RBM47: variants seen among roughly 807,000 people sequenced by gnomAD.
RBM47 encodes RNA binding motif protein 47, also known as RNA-binding protein 47.
Under a neutral mutation model 47.1 loss-of-function variants are expected in RBM47, and 21 were observed. The observed-to-expected ratio is 0.45, with a 90% confidence interval of 0.32 to 0.64. RBM47 has a LOEUF of 0.64. Ranked by LOEUF, RBM47 falls within the 30% of genes least tolerant of loss-of-function variation. The pLI, the probability that RBM47 is intolerant of heterozygous loss-of-function variation, is 0.05. For missense variants in RBM47, 708 were observed against 870.9 expected (o/e 0.81, Z 2.35); for synonymous variants, 375 against 361.7 (o/e 1.04, Z -0.42).
chr4:40,612,357 C>A (rs747927200), intron 1 of RBM47, among the ~76,000 whole-genome samples: 1 of 152,146 alleles, frequency 6.6e-6, no homozygotes, highest in African/African-American at 2.4e-5. Flanking sequence ...AAAACACACA[C>A]AAAAAATAGC....
chr4:40,506,554 G>A (rs887429522), intron 2 of RBM47, among the ~76,000 whole-genome samples: 2 of 152,184 alleles, frequency 1.3e-5, no homozygotes, highest in Non-Finnish European at 2.9e-5. Context: ...AGAGGGCTCC[G>A]CTGTTGACTG....
At chr4:40,537,580 G>A (rs922466883) in intron 2 of RBM47, among the ~76,000 whole-genome samples, 5 of 151,774 alleles carry the variant, frequency 3.3e-5, no homozygotes, top group South Asian at 2.1e-4. Context: ...GTAGAGACAC[G>A]ATCTCACTGT....
At chr4:40,439,507 CAGG>C (rs1173218492) in intron 3 of RBM47, among the ~76,000 whole-genome samples, 1 of 152,102 alleles carries the variant, frequency 6.6e-6, no homozygotes, top group Non-Finnish European at 1.5e-5. Context: ...GGGCTTGGTC[CAGG>C]AACTGTAATA....
At chr4:40,569,744 T>C (rs1731525180) in intron 1 of RBM47, among the ~76,000 whole-genome samples, 1 of 144,624 alleles carries the variant, frequency 6.9e-6, no homozygotes, top group South Asian at 2.2e-4. Flanking sequence ...GGAGTCTCGC[T>C]CTGTCGCCCA....
chr4:40,547,588 C>T (rs867018970), intron 1 of RBM47, among the ~76,000 whole-genome samples: 2 of 152,224 alleles, frequency 1.3e-5, no homozygotes, highest in Non-Finnish European at 2.9e-5. Context: ...CAAAGAAATA[C>T]ACTGCCCCTC....
At chr4:40,445,579 AAGTGAACTC>A (rs1207593085) in intron 3 of RBM47, among the ~76,000 whole-genome samples, 2 of 152,242 alleles carry the variant, frequency 1.3e-5, no homozygotes, top group African/African-American at 2.4e-5. Context: ...CTTCTGAGTT[AAGTGAACTC>A]AGTTAACTGA....
At chr4:40,593,840 C>T (rs952332178) in intron 1 of RBM47, among the ~76,000 whole-genome samples, 5 of 150,260 alleles carry the variant, frequency 3.3e-5, no homozygotes, top group Non-Finnish European at 5.9e-5. Context: ...GCCGAGATCG[C>T]GCCACTACAC....
chr4:40,482,956 A>G (rs1720615891), intron 2 of RBM47, among the ~76,000 whole-genome samples: 1 of 152,264 alleles, frequency 6.6e-6, no homozygotes, highest in Non-Finnish European at 1.5e-5. Flanking sequence ...ATTCTAAAGA[A>G]ATTTGAAAGC....
intron 2 of RBM47, among the ~76,000 whole-genome samples, chr4:40,471,631 C>T (rs1718886468): frequency 6.6e-6 from 1 of 150,866 alleles, no homozygotes; most frequent in Admixed American, 6.6e-5. Context: ...GAGGTGGAGG[C>T]TGCAGTAAGC....
chr4:40,618,969 G>T (rs1737002165), intron 1 of RBM47, among the ~76,000 whole-genome samples: 2 of 151,938 alleles, frequency 1.3e-5, no homozygotes, highest in East Asian at 3.9e-4. Flanking sequence ...CAGCAACACA[G>T]ATCAGAACCC....
In RBM47 at chr4:40,425,978, C is replaced by T. The variant is rs1405768058; in HGVS notation, c.1708G>A (p.Ala570Thr). 7.4e-6 allele frequency: 12 copies of T among 1,614,056 alleles called. No homozygotes were observed. The highest frequency in any genetic ancestry group is 1.3e-5 in the African/African-American group (1 of 74,932). Reference sequence around the variant, plus strand: ...GGGAAGGCCTGAGGTATGTAGCCTGCGTATCCTCCATACATGGCGGCCGCG... The same window carrying T: ...GGGAAGGCCTGAGGTATGTAGCCTGTGTATCCTCCATACATGGCGGCCGCG... ...AAAAAMYGGY[A>T]GYIPQAFPAA... is the part of the protein sequence containing the mutation. Residue 570 changes from alanine (A) to threonine (T), a missense_variant, in exon 7 of 7, where the codon GCA (alanine) becomes ACA (threonine). Physicochemically the swap from Ala to Thr is moderately conservative, Grantham distance 58. Transcript: ENST00000295971.
intron 3 of RBM47, among the ~76,000 whole-genome samples, chr4:40,460,781 G>A (rs543924507): frequency 3.3e-5 from 5 of 151,766 alleles, no homozygotes; most frequent in South Asian, 2.1e-4. Context: ...CCAGCTACTC[G>A]GGACGCTGAG....
intron 2 of RBM47, among the ~76,000 whole-genome samples, chr4:40,490,565 A>G: frequency 6.6e-6 from 1 of 152,168 alleles, no homozygotes; most frequent in African/African-American, 2.4e-5. Flanking sequence ...ACAAGTGTTA[A>G]AACTACAAAA....
intron 2 of RBM47, among the ~76,000 whole-genome samples, chr4:40,530,055 C>T (rs1315103974): frequency 6.7e-6 from 1 of 148,310 alleles, no homozygotes; most frequent in African/African-American, 2.5e-5. Flanking sequence ...CCTGGCTCAG[C>T]CTCCCGATGA....
intron 2 of RBM47, among the ~76,000 whole-genome samples, chr4:40,498,079 T>TATATA (rs1351670558): frequency 6.9e-6 from 1 of 144,972 alleles, no homozygotes; most frequent in African/African-American, 2.5e-5. Flanking sequence ...TATATATATA[T>TATATA]GTTTATCTAA....
chr4:40,441,241 T>A (rs1713598248), intron 3 of RBM47, among the ~76,000 whole-genome samples: 1 of 143,896 alleles, frequency 6.9e-6, no homozygotes. Context: ...CTGGGCAATA[T>A]AGAAAGACCT....
At chr4:40,588,992 CTTTTT>C (rs34195998) in intron 1 of RBM47, among the ~76,000 whole-genome samples, 15 of 79,488 alleles carry the variant, frequency 1.9e-4, no homozygotes, top group East Asian at 7.6e-4. Context: ...TAAAGCGTTT[CTTTTT>C]TTTTTTTTTT....
intron 1 of RBM47, among the ~76,000 whole-genome samples, chr4:40,595,387 G>C (rs1006998537): frequency 1.6e-4 from 25 of 152,062 alleles, no homozygotes; most frequent in African/African-American, 6.0e-4. Context: ...CCAGCTACTC[G>C]GGAGGCTGAG....
intron 1 of RBM47, among the ~76,000 whole-genome samples, chr4:40,591,449 A>G (rs35131065): frequency 0.57 from 87,151 of 151,908 alleles, 25,510 homozygotes; most frequent in Admixed American, 0.68. Context: ...TTGAGAGGCC[A>G]AAGTGGGAGG....
Sources: allele counts gnomAD v4.1 joint callset (sites outside exome capture counted in the v4.1 genomes callset), GRCh38; gene constraint gnomAD v4.1.1; transcripts MANE v1.5; gene names NCBI Gene and HGNC (gene_info 2026-07-23, HGNC 2026-07-21).